Variants in CDK5RAP2 observed in about 807,000 individuals in gnomAD.
The protein encoded by CDK5RAP2 is CDK5 regulatory subunit associated protein 2, also known as CDK5 regulatory subunit-associated protein 2.
Under a neutral mutation model 232.9 loss-of-function variants are expected in CDK5RAP2, and 147 were observed. That is an observed-to-expected ratio of 0.63 (90% CI 0.55 to 0.72). The LOEUF is 0.72. CDK5RAP2 is among the 30% of genes least tolerant of loss of function. The pLI, the probability that CDK5RAP2 is intolerant of heterozygous loss-of-function variation, is 0.00. For synonymous variants in CDK5RAP2, 833 were observed against 833.7 expected, an observed-to-expected ratio of 1.00 and a Z score of 0.01; for missense variants, 2,195 against 2,231.5, an observed-to-expected ratio of 0.98 and a Z score of 0.33.
At chr9:120,474,804 C>T (rs2037914293) in intron 15 of CDK5RAP2, among the ~76,000 whole-genome samples, 1 of 152,168 alleles carries the variant, frequency 6.6e-6, no homozygotes, top group South Asian at 2.1e-4. Context: ...CAGTTTTAAT[C>T]ACAGTACATC....
chr9:120,537,663 CCA>C (rs1303108893), intron 6 of CDK5RAP2, among the ~76,000 whole-genome samples: 2 of 151,250 alleles, frequency 1.3e-5, no homozygotes, highest in African/African-American at 4.9e-5. Flanking sequence ...AGTGACTTAG[CCA>C]CACTGTGCCT....
chr9:120,402,642 T>C (rs1000047798), intron 34 of CDK5RAP2, among the ~76,000 whole-genome samples, 164 bp downstream of exon 34: 1 of 152,060 alleles, frequency 6.6e-6, no homozygotes, highest in Non-Finnish European at 1.5e-5. Flanking sequence ...CCACCACCAA[T>C]AGTTCCCCAC....
intron 4 of CDK5RAP2, among the ~76,000 whole-genome samples, chr9:120,546,550 A>T (rs899616780): frequency 6.6e-6 from 1 of 152,232 alleles, no homozygotes; most frequent in Non-Finnish European, 1.5e-5. Flanking sequence ...CAAGTAGTAG[A>T]TGGGGGTTTG....
At chr9:120,501,558 G>A (rs1457826615) in intron 12 of CDK5RAP2, among the ~76,000 whole-genome samples, 2 of 152,198 alleles carry the variant, frequency 1.3e-5, no homozygotes, top group Non-Finnish European at 2.9e-5. Context: ...TAAATTATTT[G>A]ACTTCCCTTC....
intron 18 of CDK5RAP2, chr9:120,460,870 C>A: frequency 4.0e-6 from 3 of 753,568 alleles, no homozygotes; most frequent in South Asian, 1.8e-5. Flanking sequence ...ACACAGCTGC[C>A]TGGATCAAGC....
intron 28 of CDK5RAP2, among the ~76,000 whole-genome samples, chr9:120,413,888 C>A (rs2034040476): frequency 6.6e-6 from 1 of 151,914 alleles, no homozygotes; most frequent in African/African-American, 2.4e-5. Flanking sequence ...TTCGGTTTCC[C>A]TTGCAAGCTG....
chr9:120,520,562 G>T (rs1161283295), intron 11 of CDK5RAP2, among the ~76,000 whole-genome samples: 1 of 152,130 alleles, frequency 6.6e-6, no homozygotes, highest in East Asian at 1.9e-4. Flanking sequence ...AGAATTGCTT[G>T]AACCCAGGAG....
At chr9:120,496,660 G>A (rs1241301846) in intron 12 of CDK5RAP2, among the ~76,000 whole-genome samples, 7 of 143,168 alleles carry the variant, frequency 4.9e-5, no homozygotes, top group African/African-American at 1.6e-4. Context: ...CCTCTGCCCG[G>A]CCAGCCGCCC....
In CDK5RAP2 at chr9:120,467,124, C is replaced by A. The variant is rs143190652; in HGVS notation, c.2106+736G>T. Among the ~76,000 whole-genome samples the A allele has an allele frequency of 1.3e-3, 203 of 152,342 alleles. 2 individuals carry two copies. The highest frequency in any genetic ancestry group is 4.2e-3 in the African/African-American group (175 of 41,574). ...GCAGCCCAGGTCCCAAACAGAAAAT[C>A]AGAGCCAACAAATCACAAAGATCAG... On this transcript the variant is annotated intron_variant, in intron 18 of 37. Transcript: ENST00000349780.
At chr9:120,435,242 G>T (rs1439795863) in intron 25 of CDK5RAP2, among the ~76,000 whole-genome samples, 1 of 149,002 alleles carries the variant, frequency 6.7e-6, no homozygotes, top group Non-Finnish European at 1.5e-5. Context: ...CAGTGGGTTT[G>T]TTTTTCACAG....
intron 5 of CDK5RAP2, 73 bp from the exon 6 acceptor site, chr9:120,539,237 C>G: frequency 6.3e-7 from 1 of 1,587,546 alleles, no homozygotes; most frequent in Non-Finnish European, 8.6e-7. Context: ...CCCAAAGAGA[C>G]AAGGAGTATT....
At chr9:120,551,070 GT>G (rs1423772771) in intron 3 of CDK5RAP2, among the ~76,000 whole-genome samples, 168 bp from the exon 4 acceptor site, 1 of 152,184 alleles carries the variant, frequency 6.6e-6, no homozygotes, top group African/African-American at 2.4e-5. Flanking sequence ...GAAGAATTAA[GT>G]GGTTCCCACT....
intron 12 of CDK5RAP2, among the ~76,000 whole-genome samples, chr9:120,502,732 A>T (rs1403073253): frequency 2.6e-5 from 4 of 152,186 alleles, no homozygotes; most frequent in Non-Finnish European, 5.9e-5. Flanking sequence ...TGGGCCAGGG[A>T]TCCTATGCAA....
chr9:120,425,029 C>G (rs2034807528), intron 25 of CDK5RAP2, among the ~76,000 whole-genome samples: 2 of 152,192 alleles, frequency 1.3e-5, no homozygotes, highest in South Asian at 4.2e-4. Context: ...GTATATCTTC[C>G]TCAGGAACTT....
chr9:120,558,815 T>C (rs2042345600), intron 3 of CDK5RAP2, among the ~76,000 whole-genome samples: 1 of 152,228 alleles, frequency 6.6e-6, no homozygotes, highest in African/African-American at 2.4e-5. Context: ...GCTCACTCTC[T>C]AATACATAGC....
intron 28 of CDK5RAP2, 95 bp downstream of exon 28, chr9:120,414,945 A>C: frequency 1.4e-6 from 2 of 1,433,470 alleles, no homozygotes; most frequent in Non-Finnish European, 2.0e-6. Flanking sequence ...ACATTTATCA[A>C]GCACCTGCTT....
At chr9:120,414,251 T>C (rs1337202281) in intron 28 of CDK5RAP2, among the ~76,000 whole-genome samples, 2 of 152,232 alleles carry the variant, frequency 1.3e-5, no homozygotes, top group Non-Finnish European at 2.9e-5. Context: ...GAAATGAGTA[T>C]ATTGCTCAAC....
chr9:120,537,392 G>C (rs924528071), intron 6 of CDK5RAP2, among the ~76,000 whole-genome samples: 1 of 152,010 alleles, frequency 6.6e-6, no homozygotes, highest in African/African-American at 2.4e-5. Flanking sequence ...CCTCCACAGT[G>C]CCGCCCCCAC....
chr9:120,415,289 C>T (rs1054167353), intron 27 of CDK5RAP2, 130 bp from the exon 28 acceptor site: 1 of 1,015,476 alleles, frequency 9.8e-7, no homozygotes, highest in African/African-American at 1.6e-5. Flanking sequence ...ACTGGCAATT[C>T]TTTCCTAGGC....
Sources: allele counts gnomAD v4.1 joint callset (sites outside exome capture counted in the v4.1 genomes callset), GRCh38; gene constraint gnomAD v4.1.1; transcripts MANE v1.5; gene names NCBI Gene and HGNC (gene_info 2026-07-23, HGNC 2026-07-21).